CENPC: variants seen among roughly 807,000 people sequenced by gnomAD.
CENPC encodes the protein centromere protein C.
CENPC carries 63 observed loss-of-function variants against 112.1 expected under a neutral mutation model. The observed-to-expected ratio is 0.56, with a 90% CI of 0.46 to 0.69. The LOEUF (loss-of-function observed/expected upper bound fraction) is 0.69. CENPC is among the 30% of genes least tolerant of loss of function. The pLI is 0.00. For missense variants in CENPC, 1,000 were observed against 1,103.8 expected (o/e 0.91, Z 1.33); for synonymous variants, 333 against 367.6 (o/e 0.91, Z 1.08).
At position 67,541,040 on chromosome 4, in the gene CENPC, T is replaced by C. The variant is rs774141826; in HGVS notation, c.76A>G (p.Ile26Val). 1.2e-6 allele frequency: 2 copies of C among 1,607,694 alleles called. No homozygotes were observed. Among genetic ancestry groups the C allele is most frequent in the South Asian group, 1.1e-5 (1 of 89,692 alleles). ...RFCRPSRARD[I>V]NTEQGQNVLE... The stretch of plus-strand genomic sequence containing the variant: ...ACATTCTGGCCTTGCTCTGTGTTAA[T>C]GTCACGTGCCCTAATAAAGGAAAAA... The change falls in exon 3 of 19, where the codon ATT (isoleucine) becomes GTT (valine). Residue 26 changes from isoleucine (I) to valine (V), a missense_variant. Ile to Val is a conservative substitution (Grantham distance 29, BLOSUM62 3). Transcript: ENST00000273853.
chr4:67,531,544 T>C (rs1463968549), intron 4 of CENPC, among the ~76,000 whole-genome samples: 1 of 152,216 alleles, frequency 6.6e-6, no homozygotes, highest in Admixed American at 6.5e-5. Flanking sequence ...AAATAAACAC[T>C]GTGATCTGTG....
At chr4:67,544,937 A>T (rs960771768) in intron 1 of CENPC, among the ~76,000 whole-genome samples, 1 of 152,092 alleles carries the variant, frequency 6.6e-6, no homozygotes, top group African/African-American at 2.4e-5. Flanking sequence ...TACTTCTACC[A>T]TGGGGAGAAA....
Position 67,509,117 on chromosome 4 carries a change from AATG to A in CENPC, c.1613-15_1613-13del. On this transcript the variant is annotated splice_polypyrimidine_tract_variant and intron_variant, in intron 9 of 18. Transcript: ENST00000273853. ...GCTATAAACAGGACCTGAAGGATTC[AATG>A]ATAACCTAAAGTTAGTAAGTTTGTC... The A allele has an allele frequency of 4.4e-6, 7 of 1,588,274 alleles. No individual in the cohort carries two copies. The highest frequency in any genetic ancestry group is 5.1e-6 in the Non-Finnish European group (6 of 1,169,892).
intron 7 of CENPC, among the ~76,000 whole-genome samples, chr4:67,516,132 C>T (rs1726050995): frequency 6.6e-6 from 1 of 151,952 alleles, no homozygotes; most frequent in Admixed American, 6.5e-5. Flanking sequence ...CAAAGAGATT[C>T]ATGCATTTAA....
At chr4:67,532,261 G>C (rs902521805) in intron 4 of CENPC, among the ~76,000 whole-genome samples, 5 of 152,188 alleles carry the variant, frequency 3.3e-5, no homozygotes, top group Non-Finnish European at 7.3e-5. Context: ...GTGCTGGAGA[G>C]GATGTGGAGA....
chr4:67,472,927 CG>C (rs1724706945), intron 18 of CENPC, among the ~76,000 whole-genome samples: 1 of 152,056 alleles, frequency 6.6e-6, no homozygotes. Flanking sequence ...ATGAATCAGT[CG>C]AGAGTGTAAG....
At chr4:67,490,865 TATATATATATATAGAA>T (rs1350574927) in intron 16 of CENPC, among the ~76,000 whole-genome samples, 8 of 23,678 alleles carry the variant, frequency 3.4e-4, no homozygotes, top group South Asian at 2.0e-3. Flanking sequence ...TATATATATA[TATATATATATATAGAA>T]ATATATAGAA....
At position 67,545,468 on chromosome 4, in the gene CENPC, A is replaced by C; in HGVS notation, c.-113T>G. 1 of 1,176,604 alleles carries C rather than the reference A, an allele frequency of 8.5e-7. No individual in the cohort carries two copies. Among genetic ancestry groups the C allele is most frequent in the Non-Finnish European group, 1.1e-6 (1 of 874,210 alleles). The allele number at this position is 1,176,604 out of a possible 1,614,324, so 72.9% of individuals were successfully genotyped here. ...CCGGAATACCAGGCCGCGGCCAAGCAATAACCTTAAGTCTCAGGCGACTGC... is the reference window on the plus strand; with the variant it reads ...CCGGAATACCAGGCCGCGGCCAAGCCATAACCTTAAGTCTCAGGCGACTGC... On this transcript the variant is annotated 5_prime_UTR_variant, in exon 1 of 19. The change creates a new upstream start codon in the 5' untranslated region. Coordinates refer to ENST00000273853, the MANE Select transcript of CENPC (RefSeq NM_001812.4).
At chr4:67,520,082 G>A (rs1444658535) in intron 5 of CENPC, among the ~76,000 whole-genome samples, 1 of 152,166 alleles carries the variant, frequency 6.6e-6, no homozygotes, top group East Asian at 1.9e-4. Flanking sequence ...AGTATAACCT[G>A]TAACCACCAA....
At chr4:67,540,917 C>T (rs1726868156) in intron 3 of CENPC, 63 bp downstream of exon 3, 1 of 1,097,072 alleles carries the variant, frequency 9.1e-7, no homozygotes, top group Non-Finnish European at 1.4e-6. Flanking sequence ...ATATTAATTA[C>T]CATGACAAAT....
chr4:67,493,776 G>T, intron 14 of CENPC, 108 bp downstream of exon 14: 1 of 615,280 alleles, frequency 1.6e-6, no homozygotes, highest in Non-Finnish European at 2.8e-6. Flanking sequence ...TCAAAATTTG[G>T]GGGGGTGATG....
chr4:67,517,806 C>T (rs1447228934), intron 7 of CENPC, among the ~76,000 whole-genome samples: 1 of 152,094 alleles, frequency 6.6e-6, no homozygotes, highest in African/African-American at 2.4e-5. Flanking sequence ...CACTGCACTC[C>T]AGCCTGGAAG....
At chr4:67,543,303 G>A (rs1434303259) in intron 2 of CENPC, among the ~76,000 whole-genome samples, 7 of 151,958 alleles carry the variant, frequency 4.6e-5, no homozygotes, top group East Asian at 1.9e-4. Flanking sequence ...TGGTTCCTTC[G>A]TTAAGTTACT....
intron 17 of CENPC, among the ~76,000 whole-genome samples, chr4:67,486,699 A>G (rs989741915): frequency 6.6e-6 from 1 of 152,158 alleles, no homozygotes; most frequent in African/African-American, 2.4e-5. Context: ...GACGGCCCCC[A>G]CTACAACAAA....
At chr4:67,538,734 CT>C (rs1241557085) in intron 4 of CENPC, among the ~76,000 whole-genome samples, 14 of 152,188 alleles carry the variant, frequency 9.2e-5, no homozygotes, top group African/African-American at 3.1e-4. Flanking sequence ...CACCCGAAGC[CT>C]TGAGGGGGAA....
intron 11 of CENPC, among the ~76,000 whole-genome samples, chr4:67,506,379 G>A (rs1725733218): frequency 6.6e-6 from 1 of 152,132 alleles, no homozygotes. Context: ...AAGACACTGT[G>A]ATATCCATCA....
rs759979935 is a variant in CENPC, at chr4:67,505,193, AC to A, written c.2131+11del. The A allele has an allele frequency of 6.5e-6, 10 of 1,541,398 alleles. No individual in the cohort carries two copies. The South Asian group carries it at 7.4e-5, about 11-fold the overall frequency. On this transcript the variant is annotated intron_variant, in intron 12 of 18. Coordinates refer to ENST00000273853, the MANE Select transcript of CENPC (RefSeq NM_001812.4). Reference sequence around the variant, plus strand: ...CCATAAAAATCAAGACAGAAAAAAAACAATAGTTTACCTGAACTTCCATGAA... The same window carrying A: ...CCATAAAAATCAAGACAGAAAAAAAAAATAGTTTACCTGAACTTCCATGAA...
At chr4:67,474,101 G>A (rs1724741876) in intron 18 of CENPC, among the ~76,000 whole-genome samples, 1 of 150,754 alleles carries the variant, frequency 6.6e-6, no homozygotes, top group Non-Finnish European at 1.5e-5. Flanking sequence ...GTCTCACTCT[G>A]TCCCCTAGGC....
chr4:67,545,301 C>A, intron 1 of CENPC, 37 bp downstream of exon 1: 1 of 1,460,900 alleles, frequency 6.8e-7, no homozygotes, highest in Non-Finnish European at 9.1e-7. Context: ...CAGCCAGCCG[C>A]TCAACCACTC....
Sources: allele counts gnomAD v4.1 joint callset (sites outside exome capture counted in the v4.1 genomes callset), GRCh38; gene constraint gnomAD v4.1.1; transcripts MANE v1.5; gene names NCBI Gene and HGNC (gene_info 2026-07-23, HGNC 2026-07-21).